The following SLC9A9 variants were observed in gnomAD, a reference collection of about 807,000 sequenced individuals.
SLC9A9 encodes sodium/hydrogen exchanger 9.
Under a neutral mutation model 77.8 loss-of-function variants are expected in SLC9A9, and 62 were observed. The observed-to-expected ratio is 0.80, with a 90% CI of 0.65 to 0.98. The LOEUF (loss-of-function observed/expected upper bound fraction) is 0.98. SLC9A9 is among the 50% of genes least tolerant of loss of function. The pLI is 0.00. For missense variants in SLC9A9, 775 were observed against 774.9 expected (o/e 1.00, Z 0.00); for synonymous variants, 320 against 283.5 (o/e 1.13, Z -1.29).
intron 11 of SLC9A9, among the ~76,000 whole-genome samples, chr3:143,489,085 C>T (rs1257923332): frequency 6.6e-6 from 1 of 151,850 alleles, no homozygotes; most frequent in Non-Finnish European, 1.5e-5. Context: ...CATTTTTATA[C>T]ACTCACAGTG....
At chr3:143,300,893 A>G (rs1381133751) in intron 14 of SLC9A9, among the ~76,000 whole-genome samples, 1 of 152,240 alleles carries the variant, frequency 6.6e-6, no homozygotes, top group Non-Finnish European at 1.5e-5. Flanking sequence ...TTTCCCTAGG[A>G]GATTTGCAGA....
chr3:143,529,282 A>G (rs189680975), intron 9 of SLC9A9, among the ~76,000 whole-genome samples: 5 of 152,348 alleles, frequency 3.3e-5, no homozygotes, highest in African/African-American at 1.2e-4. Flanking sequence ...ACGTTTTTAT[A>G]AAAACACTGG....
chr3:143,466,568 C>T (rs2035283938), intron 12 of SLC9A9, among the ~76,000 whole-genome samples: 1 of 152,186 alleles, frequency 6.6e-6, no homozygotes, highest in African/African-American at 2.4e-5. Context: ...ATATGGCTCA[C>T]TAAGCAAGTA....
intron 9 of SLC9A9, among the ~76,000 whole-genome samples, chr3:143,510,355 T>C (rs2036096013): frequency 6.6e-6 from 1 of 152,140 alleles, no homozygotes; most frequent in Admixed American, 6.5e-5. Context: ...GAAAAAACAT[T>C]GTCTTTATTA....
intron 12 of SLC9A9, among the ~76,000 whole-genome samples, chr3:143,457,232 G>A (rs2035110605): frequency 6.6e-6 from 1 of 152,024 alleles, no homozygotes; most frequent in Non-Finnish European, 1.5e-5. Flanking sequence ...TGCTCAGACT[G>A]CTGTCAAACT....
intron 9 of SLC9A9, among the ~76,000 whole-genome samples, chr3:143,519,312 TA>T (rs34747620): frequency 6.6e-6 from 1 of 152,008 alleles, no homozygotes; most frequent in Non-Finnish European, 1.5e-5. Flanking sequence ...TTTCTTTCCC[TA>T]AAAAAATAAA....
At chr3:143,393,578 GA>G (rs2108506920) in intron 12 of SLC9A9, among the ~76,000 whole-genome samples, 1 of 152,244 alleles carries the variant, frequency 6.6e-6, no homozygotes, top group Admixed American at 6.5e-5. Context: ...AAAGCTAGCA[GA>G]AGGCAAGAAA....
intron 5 of SLC9A9, among the ~76,000 whole-genome samples, chr3:143,682,804 C>T (rs1031617776): frequency 5.3e-5 from 8 of 152,126 alleles, no homozygotes; most frequent in African/African-American, 1.9e-4. Context: ...TATCTTTCTG[C>T]CCTTTTCTTT....
chr3:143,817,447 C>G (rs1255198916), intron 2 of SLC9A9, among the ~76,000 whole-genome samples: 1 of 152,054 alleles, frequency 6.6e-6, no homozygotes, highest in Non-Finnish European at 1.5e-5. Context: ...CGCGCCCGGC[C>G]AAAAGTTTAT....
intron 4 of SLC9A9, among the ~76,000 whole-genome samples, chr3:143,738,980 A>G (rs929188182): frequency 3.3e-5 from 5 of 152,078 alleles, no homozygotes; most frequent in Non-Finnish European, 1.5e-5. Flanking sequence ...AGGAGTTTTT[A>G]TGGAGTCTCC....
At chr3:143,289,185 T>C (rs373933537) in intron 14 of SLC9A9, among the ~76,000 whole-genome samples, 27 of 152,086 alleles carry the variant, frequency 1.8e-4, no homozygotes, top group African/African-American at 6.3e-4. Flanking sequence ...ACAGGGCCCT[T>C]GTCTACACCA....
intron 9 of SLC9A9, among the ~76,000 whole-genome samples, chr3:143,548,239 G>A (rs1029168095): frequency 6.6e-6 from 1 of 152,136 alleles, no homozygotes; most frequent in Non-Finnish European, 1.5e-5. Flanking sequence ...GGTAAATACA[G>A]CCGATGGGAA....
At chr3:143,838,717 T>A (rs1192803969) in intron 1 of SLC9A9, among the ~76,000 whole-genome samples, 1 of 152,202 alleles carries the variant, frequency 6.6e-6, no homozygotes. Flanking sequence ...TGCAAGACTT[T>A]AAGGCAGGGA....
chr3:143,563,734 A>C (rs2037123849), intron 8 of SLC9A9, among the ~76,000 whole-genome samples: 1 of 152,178 alleles, frequency 6.6e-6, no homozygotes, highest in African/African-American at 2.4e-5. Context: ...TTACATAATA[A>C]ATCTATTTGT....
chr3:143,607,845 CATGTGATTTAT>C (rs1380261728), intron 6 of SLC9A9, among the ~76,000 whole-genome samples: 1 of 151,464 alleles, frequency 6.6e-6, no homozygotes, highest in Non-Finnish European at 1.5e-5. Flanking sequence ...AAATGTTTGG[CATGTGATTTAT>C]ATGTGTTTTA....
At chr3:143,755,767 AT>A (rs1213555460) in intron 4 of SLC9A9, among the ~76,000 whole-genome samples, 1 of 152,190 alleles carries the variant, frequency 6.6e-6, no homozygotes, top group Non-Finnish European at 1.5e-5. Context: ...CATGATATAT[AT>A]AAATGCCAAA....
At chr3:143,727,471 T>C (rs1357300101) in intron 4 of SLC9A9, among the ~76,000 whole-genome samples, 1 of 152,200 alleles carries the variant, frequency 6.6e-6, no homozygotes, top group Non-Finnish European at 1.5e-5. Flanking sequence ...TTTCAATATA[T>C]CCCTATCCAT....
At chr3:143,366,565 G>T (rs2032907558) in intron 13 of SLC9A9, among the ~76,000 whole-genome samples, 1 of 152,178 alleles carries the variant, frequency 6.6e-6, no homozygotes, top group Non-Finnish European at 1.5e-5. Context: ...GGACTGGCTG[G>T]TCTCTTAGGT....
intron 4 of SLC9A9, among the ~76,000 whole-genome samples, chr3:143,758,848 A>C (rs2007017561): frequency 1.3e-5 from 2 of 152,090 alleles, no homozygotes; most frequent in African/African-American, 2.4e-5. Flanking sequence ...CAGAAAAGGG[A>C]GGATTGCAAA....
Sources: allele counts gnomAD v4.1 joint callset (sites outside exome capture counted in the v4.1 genomes callset), GRCh38; gene constraint gnomAD v4.1.1; transcripts MANE v1.5; gene names NCBI Gene and HGNC (gene_info 2026-07-23, HGNC 2026-07-21).